The following CHL1 variants were observed in gnomAD, a reference collection of about 807,000 sequenced individuals.
The protein encoded by CHL1 is cell adhesion molecule L1 like, also known as neural cell adhesion molecule L1-like protein.
Under a neutral mutation model 141.9 loss-of-function variants are expected in CHL1, and 96 were observed. That is an observed-to-expected ratio of 0.68 (90% CI 0.57 to 0.80). The LOEUF (loss-of-function observed/expected upper bound fraction) is 0.80, where lower values mean the gene tolerates loss of function less well. Ranked by LOEUF, CHL1 falls within the 30% of genes least tolerant of loss-of-function variation. The pLI, the probability that CHL1 is intolerant of heterozygous loss-of-function variation, is 0.00. For synonymous variants in CHL1, 613 were observed against 502.2 expected (o/e 1.22, Z -2.95); for missense variants, 1,820 against 1,457.2 (o/e 1.25, Z -4.05).
At chr3:345,118 ATC>A (rs1445081595) in intron 9 of CHL1, among the ~76,000 whole-genome samples, 1 of 152,158 alleles carries the variant, frequency 6.6e-6, no homozygotes, top group African/African-American at 2.4e-5. Context: ...ATAAAATTAG[ATC>A]TCTCTGTCAA....
chr3:298,045 G>T (rs1158887384), intron 2 of CHL1, among the ~76,000 whole-genome samples: 1 of 152,142 alleles, frequency 6.6e-6, no homozygotes, highest in Non-Finnish European at 1.5e-5. Flanking sequence ...AAGTGGACTT[G>T]TTTCTTCTAC....
intron 19 of CHL1, chr3:384,757 C>T (rs1707473205): frequency 6.6e-6 from 1 of 152,136 alleles, no homozygotes; most frequent in African/African-American, 2.4e-5. Context: ...AAACATAGAA[C>T]ATTTTTAATG....
At chr3:355,742 G>A (rs1703655588) in intron 11 of CHL1, among the ~76,000 whole-genome samples, 2 of 152,102 alleles carry the variant, frequency 1.3e-5, no homozygotes, top group Non-Finnish European at 2.9e-5. Context: ...CTGCAAAATG[G>A]AGATAGTGGC....
chr3:204,255 A>G (rs1699215824), intron 1 of CHL1, among the ~76,000 whole-genome samples: 1 of 152,254 alleles, frequency 6.6e-6, no homozygotes, highest in Non-Finnish European at 1.5e-5. Flanking sequence ...CTCCCTAACA[A>G]AAGCTTTTGC....
At chr3:198,407 T>G (rs1225449965) in intron 1 of CHL1, among the ~76,000 whole-genome samples, 8 of 152,020 alleles carry the variant, frequency 5.3e-5, no homozygotes, top group African/African-American at 1.9e-4. Context: ...CGCGTGGCGA[T>G]GGTAACTGGT....
intron 2 of CHL1, among the ~76,000 whole-genome samples, chr3:275,580 A>G (rs1174061449): frequency 2.0e-5 from 3 of 152,216 alleles, no homozygotes; most frequent in African/African-American, 7.2e-5. Flanking sequence ...GCTTTGTTGC[A>G]GAGAAAGCTA....
chr3:262,569 C>G (rs1280095616), intron 2 of CHL1, among the ~76,000 whole-genome samples: 2 of 151,630 alleles, frequency 1.3e-5, no homozygotes, highest in Non-Finnish European at 2.9e-5. Flanking sequence ...TAGATCTACA[C>G]AGTACTCACA....
At chr3:236,129 C>T (rs1281753951) in intron 1 of CHL1, among the ~76,000 whole-genome samples, 1 of 152,130 alleles carries the variant, frequency 6.6e-6, no homozygotes, top group African/African-American at 2.4e-5. Context: ...GGTCTCAGGC[C>T]CTGCTCCGCC....
intron 1 of CHL1, among the ~76,000 whole-genome samples, chr3:210,665 C>T (rs1422671042): frequency 6.6e-6 from 1 of 152,162 alleles, no homozygotes; most frequent in African/African-American, 2.4e-5. Context: ...GACAAGGTAG[C>T]AAGAAATACA....
intron 9 of CHL1, among the ~76,000 whole-genome samples, chr3:345,793 C>G (rs1176201657): frequency 8.5e-5 from 13 of 152,170 alleles, no homozygotes; most frequent in Non-Finnish European, 1.9e-4. Context: ...CGCAATGCAC[C>G]TTTTTAAATC....
chr3:328,388 T>C, intron 5 of CHL1, 34 bp downstream of exon 5: 1 of 1,545,032 alleles, frequency 6.5e-7, no homozygotes, highest in Non-Finnish European at 8.8e-7. Context: ...ATTTTACAAG[T>C]GTTTTAGTGA....
chr3:348,216 T>C (rs1016193404), intron 9 of CHL1, among the ~76,000 whole-genome samples: 1 of 152,184 alleles, frequency 6.6e-6, no homozygotes, highest in African/African-American at 2.4e-5. Context: ...TTGGGGTATA[T>C]CATTTATTGC....
intron 2 of CHL1, among the ~76,000 whole-genome samples, chr3:271,423 A>C (rs1319300442): frequency 6.6e-6 from 1 of 152,196 alleles, no homozygotes; most frequent in Non-Finnish European, 1.5e-5. Flanking sequence ...TGGGCAATAG[A>C]GTGAGACCCT....
rs138966577 is a variant in CHL1 at position 361,808 on chromosome 3, C to T, written c.1416C>T (p.Ser472=). 92 of 1,601,448 alleles carry T rather than the reference C, an allele frequency of 5.7e-5. No individual in the cohort carries two copies. In the African/African-American group the frequency reaches 1.1e-3, roughly 18 times the overall value. ...TTGCTTCACCTGAGGCAGTCGTGTC[C>T]TGGTAAGCCGGTGGCTCATGGTTTT... is the stretch of plus-strand genomic sequence containing the variant. ...EFFASPEAVV[S]WQKVEEVKPL... Residue 472 remains serine, a splice_region_variant and synonymous_variant, in exon 13 of 28, where the codon TCC becomes TCT. Transcript: ENST00000256509.
At chr3:347,466 A>G (rs1001174805) in intron 9 of CHL1, among the ~76,000 whole-genome samples, 4 of 152,236 alleles carry the variant, frequency 2.6e-5, no homozygotes, top group African/African-American at 7.2e-5. Flanking sequence ...CTATCCTGAG[A>G]TTAAATTATA....
intron 12 of CHL1, among the ~76,000 whole-genome samples, chr3:360,818 A>G (rs1704173863): frequency 7.4e-6 from 1 of 135,512 alleles, no homozygotes; most frequent in Non-Finnish European, 1.5e-5. Context: ...TTCAATTCCC[A>G]CCTATGAGTG....
At chr3:303,325 A>AT in intron 2 of CHL1, among the ~76,000 whole-genome samples, 1 of 152,248 alleles carries the variant, frequency 6.6e-6, no homozygotes. Context: ...TCTATACATT[A>AT]TTTTGAGCAG....
At chr3:274,025 C>G (rs1354616209) in intron 2 of CHL1, among the ~76,000 whole-genome samples, 2 of 152,204 alleles carry the variant, frequency 1.3e-5, no homozygotes, top group East Asian at 1.9e-4. Flanking sequence ...GGAGGCTCCT[C>G]TCTGACCAAA....
chr3:353,871 CT>C (rs756810447), intron 10 of CHL1, among the ~76,000 whole-genome samples: 2 of 152,082 alleles, frequency 1.3e-5, no homozygotes, highest in Non-Finnish European at 2.9e-5. Flanking sequence ...TAATCTAAAC[CT>C]TTTAGTTACC....
Sources: allele counts gnomAD v4.1 joint callset (sites outside exome capture counted in the v4.1 genomes callset), GRCh38; gene constraint gnomAD v4.1.1; transcripts MANE v1.5; gene names NCBI Gene and HGNC (gene_info 2026-07-23, HGNC 2026-07-21).